Variants in RPTOR observed in about 807,000 individuals in gnomAD.
RPTOR encodes regulatory-associated protein of mTOR.
A neutral mutation model predicts 169.9 loss-of-function variants in RPTOR; 21 were observed. The ratio of observed to expected loss-of-function variants is 0.12; its 90% CI spans 0.09 to 0.18. The LOEUF is 0.18. RPTOR is among the 10% of genes least tolerant of loss of function. The pLI is 1.00. For missense variants in RPTOR, 1,133 were observed against 1,855.9 expected, an observed-to-expected ratio of 0.61 and a Z score of 7.16; for synonymous variants, 732 against 753.2, an observed-to-expected ratio of 0.97 and a Z score of 0.46.
chr17:80,870,982 C>T (rs1391235364), intron 13 of RPTOR, among the ~76,000 whole-genome samples: 3 of 152,180 alleles, frequency 2.0e-5, no homozygotes, highest in Admixed American at 1.3e-4. Flanking sequence ...ATTGAGTCCT[C>T]GTGTCTTCTT....
chr17:80,853,881 T>C (rs1421768441), intron 11 of RPTOR, among the ~76,000 whole-genome samples: 1 of 151,622 alleles, frequency 6.6e-6, no homozygotes, highest in African/African-American at 2.4e-5. Flanking sequence ...CTCAGGAGGC[T>C]GAGGCAGGAG....
intron 6 of RPTOR, among the ~76,000 whole-genome samples, chr17:80,762,795 C>T (rs1245879971): frequency 6.6e-6 from 1 of 151,828 alleles, no homozygotes; most frequent in Non-Finnish European, 1.5e-5. Context: ...AGGGGAGAAA[C>T]ATGAGAGGCA....
intron 5 of RPTOR, among the ~76,000 whole-genome samples, chr17:80,733,510 C>T (rs2066409343): frequency 6.6e-6 from 1 of 152,156 alleles, no homozygotes; most frequent in South Asian, 2.1e-4. Context: ...ATTTCTAGTT[C>T]TTCTGGAGGG....
chr17:80,744,533 T>G (rs867051159), intron 5 of RPTOR, among the ~76,000 whole-genome samples: 7 of 84,330 alleles, frequency 8.3e-5, no homozygotes, highest in African/African-American at 2.9e-4. Flanking sequence ...CCCTGGCTAC[T>G]AGCACAGCCC....
At chr17:80,899,584 C>T (rs72857988) in intron 20 of RPTOR, among the ~76,000 whole-genome samples, 6,436 of 152,310 alleles carry the variant, frequency 0.042, 179 homozygotes, top group South Asian at 0.059. Flanking sequence ...CCTTCCGTCA[C>T]GTGTAGGTTA....
chr17:80,648,644 C>T (rs1311371618), intron 3 of RPTOR, among the ~76,000 whole-genome samples: 1 of 152,160 alleles, frequency 6.6e-6, no homozygotes, highest in Admixed American at 6.5e-5. Flanking sequence ...AGACAGGCCT[C>T]TGCTTTGTGG....
chr17:80,663,820 TCTGTGC>T (rs1192413604), intron 3 of RPTOR, among the ~76,000 whole-genome samples: 1 of 151,732 alleles, frequency 6.6e-6, no homozygotes, highest in East Asian at 1.9e-4. Flanking sequence ...TGAGACTGGT[TCTGTGC>T]GTGTGCGTGT....
chr17:80,864,422 G>A (rs188903784), intron 13 of RPTOR, among the ~76,000 whole-genome samples: 14 of 149,548 alleles, frequency 9.4e-5, no homozygotes, highest in East Asian at 7.9e-4. Flanking sequence ...AAAGGTGAGC[G>A]TGATGGCAGG....
chr17:80,899,426 T>G (rs918377742), intron 20 of RPTOR, among the ~76,000 whole-genome samples: 3 of 152,258 alleles, frequency 2.0e-5, no homozygotes, highest in African/African-American at 7.2e-5. Flanking sequence ...TTTTAAGTAC[T>G]AGAAAATGTA....
At chr17:80,655,957 C>A (rs1056816977) in intron 3 of RPTOR, among the ~76,000 whole-genome samples, 4 of 152,086 alleles carry the variant, frequency 2.6e-5, no homozygotes, top group African/African-American at 9.7e-5. Flanking sequence ...TTAGAGTGAA[C>A]ACGGAAGGGA....
intron 10 of RPTOR, 138 bp downstream of exon 10, chr17:80,838,135 G>A (rs773553419): frequency 1.5e-6 from 1 of 650,812 alleles, no homozygotes; most frequent in Non-Finnish European, 2.6e-6. Flanking sequence ...TGGAAAAAAT[G>A]TAGTTGCCAG....
At chr17:80,832,429 G>A (rs574964963) in intron 9 of RPTOR, among the ~76,000 whole-genome samples, 2 of 152,300 alleles carry the variant, frequency 1.3e-5, no homozygotes, top group East Asian at 3.9e-4. Context: ...TCGCCCCCCT[G>A]TCCTGTGGCA....
At chr17:80,631,950 A>G (rs543193106) in intron 2 of RPTOR, among the ~76,000 whole-genome samples, 2 of 152,148 alleles carry the variant, frequency 1.3e-5, no homozygotes, top group African/African-American at 2.4e-5. Context: ...AAAAACCCCA[A>G]ATTCTTCTCA....
intron 19 of RPTOR, 46 bp downstream of exon 19, chr17:80,892,915 T>A: frequency 6.3e-7 from 1 of 1,594,802 alleles, no homozygotes; most frequent in Non-Finnish European, 8.5e-7. Flanking sequence ...AGATTGGGGT[T>A]GTTTTTTCTG....
intron 3 of RPTOR, among the ~76,000 whole-genome samples, chr17:80,684,183 A>G (rs186086366): frequency 6.0e-4 from 91 of 152,104 alleles, no homozygotes; most frequent in Non-Finnish European, 1.1e-3. Context: ...ACTGTACTCA[A>G]GTTCACGTGT....
intron 6 of RPTOR, among the ~76,000 whole-genome samples, chr17:80,789,506 C>T (rs989720976): frequency 1.3e-5 from 2 of 152,328 alleles, no homozygotes; most frequent in Non-Finnish European, 2.9e-5. Context: ...TTCCTGCTGT[C>T]CTCCACGGGG....
At chr17:80,930,643 G>T (rs532865481) in intron 24 of RPTOR, among the ~76,000 whole-genome samples, 3 of 152,370 alleles carry the variant, frequency 2.0e-5, no homozygotes, top group African/African-American at 7.2e-5. Context: ...AAAGCAAATG[G>T]ATAGGTCGAT....
At chr17:80,621,943 C>A (rs1035458415) in intron 1 of RPTOR, among the ~76,000 whole-genome samples, 17 of 152,214 alleles carry the variant, frequency 1.1e-4, no homozygotes, top group Non-Finnish European at 4.4e-5. Flanking sequence ...TGGCACTTGG[C>A]CACGGGAGCA....
chr17:80,798,643 G>A (rs907284254), intron 7 of RPTOR, among the ~76,000 whole-genome samples: 1 of 152,064 alleles, frequency 6.6e-6, no homozygotes. Context: ...TCTTGGAAGC[G>A]ACACCCTATG....
Sources: gnomAD v4.1 joint callset for allele counts (sites outside exome capture counted in the v4.1 genomes callset) on GRCh38, gnomAD v4.1.1 for gene constraint, MANE v1.5 for transcripts, NCBI Gene and HGNC (gene_info 2026-07-23, HGNC 2026-07-21) for gene names.